The following NRXN3 variants were observed in gnomAD, a reference collection of about 807,000 sequenced individuals.
NRXN3 encodes the protein neurexin III.
In NRXN3, 32 loss-of-function variants were observed where a neutral mutation model predicts 137.6. The observed-to-expected ratio is 0.23, with a 90% CI of 0.18 to 0.31. The LOEUF (loss-of-function observed/expected upper bound fraction) is 0.31, where lower values mean the gene tolerates loss of function less well. NRXN3 is among the 10% of genes least tolerant of loss of function. The pLI is 1.00. For missense variants in NRXN3, 1,574 were observed against 2,062.5 expected, an observed-to-expected ratio of 0.76 and a Z score of 4.59; for synonymous variants, 798 against 784.5, an observed-to-expected ratio of 1.02 and a Z score of -0.29.
intron 19 of NRXN3, among the ~76,000 whole-genome samples, chr14:79,782,522 C>G (rs1056523581): frequency 1.3e-5 from 2 of 152,138 alleles, no homozygotes; most frequent in Non-Finnish European, 2.9e-5. Context: ...TTGGATGGGG[C>G]TAGTATATGG....
At chr14:79,390,316 C>CAA (rs34101631) in intron 15 of NRXN3, among the ~76,000 whole-genome samples, 284 of 109,508 alleles carry the variant, frequency 2.6e-3, no homozygotes, top group Admixed American at 3.4e-3. Flanking sequence ...GACTCTGTCT[C>CAA]AAAAAAAAAA....
chr14:79,855,246 T>C (rs556116518), intron 20 of NRXN3, among the ~76,000 whole-genome samples: 1 of 152,338 alleles, frequency 6.6e-6, no homozygotes, highest in South Asian at 2.1e-4. Flanking sequence ...CTTATGTACT[T>C]CAACATACAT....
chr14:78,220,120 G>T (rs1306796603), intron 1 of NRXN3, among the ~76,000 whole-genome samples: 1 of 152,042 alleles, frequency 6.6e-6, no homozygotes, highest in Non-Finnish European at 1.5e-5. Context: ...TACTAAGGAA[G>T]GTAAATTCAG....
chr14:78,317,656 C>G (rs1402585586), intron 4 of NRXN3, among the ~76,000 whole-genome samples: 2 of 152,296 alleles, frequency 1.3e-5, no homozygotes, highest in Admixed American at 1.3e-4. Flanking sequence ...TTGCTTCACT[C>G]AGTTCACTGA....
At chr14:79,431,311 T>G (rs1198061954) in intron 15 of NRXN3, among the ~76,000 whole-genome samples, 7 of 152,190 alleles carry the variant, frequency 4.6e-5, no homozygotes, top group Admixed American at 4.6e-4. Flanking sequence ...CAGCAGAGAC[T>G]TGACCTATAT....
chr14:79,144,390 C>T (rs1045396428), intron 15 of NRXN3, among the ~76,000 whole-genome samples: 3 of 152,132 alleles, frequency 2.0e-5, no homozygotes, highest in Non-Finnish European at 4.4e-5. Flanking sequence ...ATGCATGTCT[C>T]CTGAGATTGG....
At chr14:78,769,114 A>G (rs997142291) in intron 8 of NRXN3, among the ~76,000 whole-genome samples, 6 of 152,180 alleles carry the variant, frequency 3.9e-5, no homozygotes, top group Admixed American at 2.6e-4. Flanking sequence ...TTACCTTATT[A>G]GGATAAACTC....
chr14:78,432,353 A>G (rs551687258), intron 4 of NRXN3, among the ~76,000 whole-genome samples: 1 of 150,266 alleles, frequency 6.7e-6, no homozygotes, highest in African/African-American at 2.5e-5. Flanking sequence ...GTGTGCCTGC[A>G]GTACTGTCTC....
At chr14:79,295,035 T>A (rs2083821867) in intron 15 of NRXN3, among the ~76,000 whole-genome samples, 1 of 152,132 alleles carries the variant, frequency 6.6e-6, no homozygotes, top group Non-Finnish European at 1.5e-5. Context: ...ATCATGCCGC[T>A]CTTCCATGGG....
At chr14:79,741,801 T>TACACACACACAC (rs34107894) in intron 19 of NRXN3, among the ~76,000 whole-genome samples, 1 of 146,828 alleles carries the variant, frequency 6.8e-6, no homozygotes, top group East Asian at 2.0e-4. Context: ...GTGTATACAT[T>TACACACACACAC]ACACACACAC....
rs567887721 is a variant in NRXN3 at position 78,216,703 on chromosome 14, A to G, written c.-703-25688A>G. ...AAAGTACCAGCAACTGGGTGGCTTA[A>G]GACAACAAAAATTTATTAGCTCATA... On this transcript the variant is annotated intron_variant, in intron 1 of 20. Transcript: ENST00000335750. Among the ~76,000 whole-genome samples the G allele has an allele frequency of 1.7e-4, 26 of 152,364 alleles. No individual in the cohort carries two copies. The South Asian group carries it at 4.8e-3, about 28-fold the overall frequency.
At chr14:78,958,441 T>C (rs868091670) in intron 11 of NRXN3, among the ~76,000 whole-genome samples, 7 of 151,894 alleles carry the variant, frequency 4.6e-5, no homozygotes, top group South Asian at 2.1e-4. Context: ...CTGCAAGCTC[T>C]GCCTCCCGGG....
intron 15 of NRXN3, among the ~76,000 whole-genome samples, chr14:79,014,029 A>T (rs1259453185): frequency 3.3e-5 from 5 of 152,190 alleles, no homozygotes; most frequent in African/African-American, 4.8e-5. Context: ...AGAATCAAAG[A>T]TGGTTGGCAC....
At chr14:78,331,197 T>A (rs1476381925) in intron 4 of NRXN3, among the ~76,000 whole-genome samples, 1 of 152,144 alleles carries the variant, frequency 6.6e-6, no homozygotes, top group Non-Finnish European at 1.5e-5. Flanking sequence ...AGGCTTGAAA[T>A]GAGGATGATT....
At chr14:79,745,824 C>CT (rs2154083535) in intron 19 of NRXN3, among the ~76,000 whole-genome samples, 1 of 152,138 alleles carries the variant, frequency 6.6e-6, no homozygotes, top group African/African-American at 2.4e-5. Flanking sequence ...AATCTTTGGC[C>CT]TTTTTTGGCT....
chr14:78,776,451 T>C (rs1217333153), intron 8 of NRXN3, among the ~76,000 whole-genome samples: 1 of 152,154 alleles, frequency 6.6e-6, no homozygotes, highest in Non-Finnish European at 1.5e-5. Flanking sequence ...TTGGGGGATA[T>C]AGGATTTAGA....
At chr14:78,258,294 T>C (rs928589810) in intron 2 of NRXN3, among the ~76,000 whole-genome samples, 1 of 152,114 alleles carries the variant, frequency 6.6e-6, no homozygotes, top group African/African-American at 2.4e-5. Flanking sequence ...AGGAAAGCCA[T>C]TGTGAGGAGC....
Position 79,621,563 on chromosome 14 carries a change from C to A in NRXN3, c.3445-42215C>A, listed in dbSNP as rs141677001. ...CTTGAATCTGTGTAATTGCTATGTT[C>A]TTGACTCAAACCTGAAGGGACAGAC... On this transcript the variant is annotated intron_variant, in intron 16 of 20. Transcript: ENST00000335750. Among the ~76,000 whole-genome samples, 3 of 152,246 alleles carry A rather than the reference C, an allele frequency of 2.0e-5. No individual in the cohort carries two copies. The East Asian group carries it at 5.8e-4, about 29-fold the overall frequency.
chr14:79,861,579 C>G lies in NRXN3; in HGVS notation c.4331C>G (p.Pro1444Arg), dbSNP rs746905701. The G allele has an allele frequency of 1.5e-5, 24 of 1,605,336 alleles. No individual in the cohort carries two copies. Among genetic ancestry groups the G allele is most frequent in the Non-Finnish European group, 2.0e-5 (23 of 1,176,276 alleles). Residue 1444 changes from proline to arginine, a missense_variant, in exon 21 of 21, where the codon CCG becomes CGG. This residue lies in a region of NRXN3 where 320 missense variants were observed against 387.1 expected (regional missense o/e 0.83). Transcript: ENST00000335750. The surrounding 1 kb of genome is among the most constrained non-coding windows in gnomAD (Gnocchi z 5.4). ...LKPQPDIVLL[P>R]LPTAYELDST... ...CCCCAGCCTGATATAGTCTTGCTTCCGTTGCCCACTGCCTATGAGCTAGAC... is the reference window on the plus strand; with the variant it reads ...CCCCAGCCTGATATAGTCTTGCTTCGGTTGCCCACTGCCTATGAGCTAGAC...
Sources: allele counts gnomAD v4.1 joint callset (sites outside exome capture counted in the v4.1 genomes callset), GRCh38; gene constraint gnomAD v4.1.1; regional missense constraint gnomAD v4.1.1; non-coding constraint Gnocchi (gnomAD v3.1); transcripts MANE v1.5; gene names NCBI Gene and HGNC (gene_info 2026-07-23, HGNC 2026-07-21).